Variants in LRMDA observed in about 807,000 individuals in gnomAD.
LRMDA encodes leucine-rich melanocyte differentiation-associated protein.
In LRMDA, 18 loss-of-function variants were observed where a neutral mutation model predicts 29.8. The observed-to-expected ratio is 0.60, with a 90% CI of 0.42 to 0.90. The LOEUF is 0.90. LRMDA is among the 40% of genes least tolerant of loss of function. The pLI is 0.00. For missense variants in LRMDA, 273 were observed against 273.9 expected (o/e 1.00, Z 0.02); for synonymous variants, 125 against 109.4 (o/e 1.14, Z -0.89).
intron 5 of LRMDA, among the ~76,000 whole-genome samples, chr10:76,275,041 C>A (rs1840113990): frequency 6.6e-6 from 1 of 152,160 alleles, no homozygotes; most frequent in Non-Finnish European, 1.5e-5. Context: ...CCAGCCCTAA[C>A]TGGCTGGGCT....
At chr10:75,710,090 C>A (rs569534721) in intron 2 of LRMDA, among the ~76,000 whole-genome samples, 13 of 152,292 alleles carry the variant, frequency 8.5e-5, no homozygotes, top group South Asian at 6.2e-4. Flanking sequence ...TGTGTTTTCT[C>A]AGAGTAATCT....
intron 5 of LRMDA, among the ~76,000 whole-genome samples, chr10:76,111,437 G>A (rs1011635442): frequency 6.6e-6 from 1 of 152,226 alleles, no homozygotes; most frequent in Non-Finnish European, 1.5e-5. Context: ...CTCAGACCTG[G>A]GTCGAGCAAG....
intron 6 of LRMDA, among the ~76,000 whole-genome samples, chr10:76,430,982 G>A (rs574674671): frequency 4.6e-5 from 7 of 152,044 alleles, no homozygotes; most frequent in African/African-American, 1.7e-4. Flanking sequence ...TAGACTTCAG[G>A]GACACTAGGA....
chr10:76,186,129 G>A (rs914765090), intron 5 of LRMDA, among the ~76,000 whole-genome samples: 2 of 152,070 alleles, frequency 1.3e-5, no homozygotes, highest in African/African-American at 4.8e-5. Context: ...CTAACATTTA[G>A]CCTGAGGTGT....
At chr10:75,568,862 T>C (rs1174056817) in intron 2 of LRMDA, among the ~76,000 whole-genome samples, 2 of 152,210 alleles carry the variant, frequency 1.3e-5, no homozygotes, top group African/African-American at 4.8e-5. Context: ...CCAAGACCAA[T>C]AACTCACTTG....
Position 76,427,372 on chromosome 10 carries a change from A to G in LRMDA, c.601+102887A>G, listed in dbSNP as rs561548589. 7.2e-4 allele frequency among the ~76,000 whole-genome samples: 109 copies of G among 152,142 alleles called. 3 individuals carry two copies. In the South Asian group the frequency reaches 0.022, roughly 30 times the overall value. On this transcript the variant is annotated intron_variant, in intron 6 of 6. Coordinates refer to ENST00000611255, the MANE Select transcript of LRMDA (RefSeq NM_001305581.2). The stretch of plus-strand genomic sequence containing the variant: ...TTTATTCTCTTTGAAGCAATTGTGA[A>G]TGGGAGTTCACTCATGATTTGGCTC...
chr10:75,467,886 G>C (rs1026469300), intron 2 of LRMDA, among the ~76,000 whole-genome samples: 1 of 151,662 alleles, frequency 6.6e-6, no homozygotes, highest in African/African-American at 2.4e-5. Flanking sequence ...GCATGAACTC[G>C]GGAGGTGGAG....
At chr10:75,775,489 G>A (rs1234072743) in intron 2 of LRMDA, among the ~76,000 whole-genome samples, 1 of 152,238 alleles carries the variant, frequency 6.6e-6, no homozygotes, top group Admixed American at 6.5e-5. Context: ...TTCTAACAGT[G>A]TTGTATCCTC....
At chr10:75,990,013 G>A (rs1847339653) in intron 2 of LRMDA, among the ~76,000 whole-genome samples, 1 of 152,104 alleles carries the variant, frequency 6.6e-6, no homozygotes, top group Non-Finnish European at 1.5e-5. Context: ...TAGCCTAGAG[G>A]TCTCCGGCCT....
At chr10:76,102,415 T>C (rs1241739684) in intron 5 of LRMDA, among the ~76,000 whole-genome samples, 1 of 152,192 alleles carries the variant, frequency 6.6e-6, no homozygotes. Flanking sequence ...GTAGGCCCCA[T>C]TGTTGTTCCC....
rs1302968678 is a variant in LRMDA, at chr10:76,036,042, G to C, written c.166G>C (p.Glu56Gln). ...AGGACTGAGCGCATTCAGGAGCCTG[G>C]AGGAACTCATCTTGGACAACAATCA... is the stretch of plus-strand genomic sequence containing the variant. ...LEGLSAFRSL[E>Q]ELILDNNQLG... The change falls in exon 3 of 7, where the codon GAG becomes CAG. Residue 56 changes from glutamate (E) to glutamine (Q), a missense_variant. Physicochemically the swap from Glu to Gln is conservative, Grantham distance 29 (BLOSUM62 2). Transcript: ENST00000611255. 6.2e-7 allele frequency: 1 copy of C among 1,614,130 alleles called. No individual in the cohort carries two copies. The highest frequency in any genetic ancestry group is 1.3e-5 in the African/African-American group (1 of 75,030).
At chr10:75,924,271 C>T (rs181994524) in intron 2 of LRMDA, among the ~76,000 whole-genome samples, 5 of 152,264 alleles carry the variant, frequency 3.3e-5, no homozygotes, top group East Asian at 1.9e-4. Flanking sequence ...ACAACAACTA[C>T]GCATAATGTA....
intron 2 of LRMDA, among the ~76,000 whole-genome samples, chr10:76,025,020 C>T (rs187334949): frequency 5.3e-4 from 81 of 152,282 alleles, no homozygotes; most frequent in Non-Finnish European, 5.9e-5. Flanking sequence ...GCAAAGAAAA[C>T]CCCCATTTAT....
At chr10:76,156,146 A>T (rs1850533429) in intron 5 of LRMDA, among the ~76,000 whole-genome samples, 1 of 152,208 alleles carries the variant, frequency 6.6e-6, no homozygotes, top group South Asian at 2.1e-4. Context: ...CCTCTGGCTA[A>T]TTGGAAGTGT....
At position 76,173,373 on chromosome 10, in the gene LRMDA, G is replaced by T. The variant is rs569400048; in HGVS notation, c.516+114590G>T. 2.0e-5 allele frequency among the ~76,000 whole-genome samples: 3 copies of T among 152,106 alleles called. No individual in the cohort carries two copies. The South Asian group carries it at 6.2e-4, about 32-fold the overall frequency. On this transcript the variant is annotated intron_variant, in intron 5 of 6. Coordinates refer to ENST00000611255, the MANE Select transcript of LRMDA (RefSeq NM_001305581.2). ...ACAGAAATCAGTGAAACAGAAAAGAGAAAAGCAAAAGAGAAAAATCAATGA... is the reference window on the plus strand; with the variant it reads ...ACAGAAATCAGTGAAACAGAAAAGATAAAAGCAAAAGAGAAAAATCAATGA...
intron 6 of LRMDA, among the ~76,000 whole-genome samples, chr10:76,327,888 C>T (rs188679066): frequency 1.8e-4 from 28 of 152,250 alleles, no homozygotes; most frequent in Admixed American, 9.8e-4. Context: ...AGCCTAACTT[C>T]TAGATAGTTG....
chr10:76,271,920 G>A (rs1210206061), intron 5 of LRMDA, among the ~76,000 whole-genome samples: 2 of 152,152 alleles, frequency 1.3e-5, no homozygotes, highest in East Asian at 1.9e-4. Context: ...CCAGCCTTGG[G>A]GAATGAAAGA....
intron 1 of LRMDA, among the ~76,000 whole-genome samples, chr10:75,435,125 T>C (rs1844249566): frequency 1.3e-5 from 2 of 152,262 alleles, no homozygotes; most frequent in Non-Finnish European, 2.9e-5. Context: ...AGAGAAATTA[T>C]AAGTTTGAAT....
chr10:76,108,304 C>T (rs1396430549), intron 5 of LRMDA, among the ~76,000 whole-genome samples: 1 of 152,130 alleles, frequency 6.6e-6, no homozygotes, highest in Admixed American at 6.5e-5. Flanking sequence ...CTGTAGGTGC[C>T]TCCATGACCT....
Sources: gnomAD v4.1 joint callset for allele counts (sites outside exome capture counted in the v4.1 genomes callset) on GRCh38, gnomAD v4.1.1 for gene constraint, MANE v1.5 for transcripts, NCBI Gene and HGNC (gene_info 2026-07-23, HGNC 2026-07-21) for gene names.